The following SGCD variants were observed in gnomAD, a reference collection of about 807,000 sequenced individuals.
SGCD encodes sarcoglycan delta, also known as delta-sarcoglycan.
In SGCD, 18 loss-of-function variants were observed where a neutral mutation model predicts 36.6. The ratio of observed to expected loss-of-function variants is 0.49; its 90% CI spans 0.34 to 0.73. The LOEUF is 0.73. SGCD is among the 30% of genes least tolerant of loss of function. SGCD has a pLI of 0.01. For synonymous variants in SGCD, 133 were observed against 130.6 expected, an observed-to-expected ratio of 1.02 and a Z score of -0.12; for missense variants, 387 against 346.7, an observed-to-expected ratio of 1.12 and a Z score of -0.92.
At chr5:156,372,966 A>G (rs1270084445) in intron 3 of SGCD, among the ~76,000 whole-genome samples, 1 of 149,322 alleles carries the variant, frequency 6.7e-6, no homozygotes, top group Non-Finnish European at 1.5e-5. Flanking sequence ...TGCCATAATG[A>G]AGATGGCATT....
intron 3 of SGCD, among the ~76,000 whole-genome samples, chr5:156,395,156 C>G (rs1204438984): frequency 6.6e-6 from 1 of 152,138 alleles, no homozygotes; most frequent in Non-Finnish European, 1.5e-5. Context: ...GAGAGTCAAG[C>G]CATCACTTTC....
intron 3 of SGCD, among the ~76,000 whole-genome samples, chr5:156,501,591 C>T (rs1246980357): frequency 1.3e-5 from 2 of 152,212 alleles, no homozygotes; most frequent in Admixed American, 1.3e-4. Flanking sequence ...CCCCAGATTC[C>T]ACCTACCTGT....
chr5:156,363,685 C>T (rs1336503728), intron 3 of SGCD, among the ~76,000 whole-genome samples: 1 of 152,156 alleles, frequency 6.6e-6, no homozygotes, highest in African/African-American at 2.4e-5. Context: ...CAAAGCCATG[C>T]CTAATTCTAA....
At chr5:156,285,545 A>T (rs1766570489) in intron 3 of SGCD, among the ~76,000 whole-genome samples, 1 of 152,226 alleles carries the variant, frequency 6.6e-6, no homozygotes, top group Non-Finnish European at 1.5e-5. Flanking sequence ...CTGATATTTG[A>T]CAAACCTGAC....
intron 1 of SGCD, among the ~76,000 whole-genome samples, chr5:156,048,363 G>A (rs536821143): frequency 6.6e-6 from 1 of 152,242 alleles, no homozygotes; most frequent in East Asian, 1.9e-4. Flanking sequence ...GGGTCAAATG[G>A]TATTTCTAGT....
chr5:155,807,493 T>C, the SGCD span, among the ~76,000 whole-genome samples: 3 of 152,262 alleles, frequency 2.0e-5, no homozygotes, highest in Non-Finnish European at 2.9e-5. Flanking sequence ...GTAAATTGTG[T>C]GTTTAAAAAT....
At chr5:156,671,179 A>G (rs1236972599) in intron 7 of SGCD, among the ~76,000 whole-genome samples, 1 of 151,302 alleles carries the variant, frequency 6.6e-6, no homozygotes, top group Non-Finnish European at 1.5e-5. Context: ...TCCACATTAA[A>G]AAAAAAAGAA....
intron 3 of SGCD, among the ~76,000 whole-genome samples, chr5:156,460,992 A>G (rs1265721941): frequency 6.6e-6 from 1 of 152,184 alleles, no homozygotes; most frequent in Non-Finnish European, 1.5e-5. Flanking sequence ...ATAGACAGAT[A>G]TAGTAGAGAT....
intron 4 of SGCD, among the ~76,000 whole-genome samples, chr5:156,563,189 C>T (rs1358519325): frequency 6.6e-6 from 1 of 152,036 alleles, no homozygotes; most frequent in Admixed American, 6.6e-5. Context: ...ACCATGTTGG[C>T]CAGGCTGGTC....
chr5:155,775,656 A>G, the SGCD span, among the ~76,000 whole-genome samples: 1 of 152,174 alleles, frequency 6.6e-6, no homozygotes, highest in Non-Finnish European at 1.5e-5. Context: ...TCTTTATTTT[A>G]GAAATAAGCA....
chr5:156,472,973 T>G (rs1755035350), intron 3 of SGCD, among the ~76,000 whole-genome samples: 1 of 152,194 alleles, frequency 6.6e-6, no homozygotes, highest in Non-Finnish European at 1.5e-5. Flanking sequence ...TTATAATCTA[T>G]GTATTTCACT....
intron 3 of SGCD, among the ~76,000 whole-genome samples, chr5:156,483,646 CTT>C (rs1755536937): frequency 6.6e-6 from 1 of 152,242 alleles, no homozygotes; most frequent in Non-Finnish European, 1.5e-5. Flanking sequence ...TAATCTCTCT[CTT>C]GAGAGCAGTC....
chr5:156,650,120 C>T (rs183438077), intron 7 of SGCD, among the ~76,000 whole-genome samples: 1 of 152,118 alleles, frequency 6.6e-6, no homozygotes, highest in Non-Finnish European at 1.5e-5. Context: ...AGTATTTGCA[C>T]ATGTTATGCT....
chr5:156,369,555 G>T (rs2127738612), intron 3 of SGCD, among the ~76,000 whole-genome samples: 1 of 152,318 alleles, frequency 6.6e-6, no homozygotes, highest in South Asian at 2.1e-4. Flanking sequence ...GGAGGTGCAT[G>T]TGCCTTGCAT....
intron 3 of SGCD, among the ~76,000 whole-genome samples, chr5:156,389,014 A>C (rs1376201317): frequency 1.3e-5 from 2 of 152,200 alleles, no homozygotes; most frequent in African/African-American, 2.4e-5. Flanking sequence ...TACAATTCTT[A>C]TCTAGAGTAA....
intron 6 of SGCD, among the ~76,000 whole-genome samples, chr5:156,638,153 TG>T (rs1762898997): frequency 6.6e-6 from 1 of 151,932 alleles, no homozygotes. Context: ...TACATCTCAC[TG>T]GTATCCATTG....
rs1365138975 is a variant in SGCD, at chr5:156,765,958, G to A, written c.*6568G>A. ...TATAGATACCTAAGGGGAAAATATA[G>A]AAAGCCTGCCTGAATAATAGAATCT... On this transcript the variant is annotated 3_prime_UTR_variant, in exon 9 of 9. Coordinates refer to ENST00000337851, the MANE Select transcript of SGCD (RefSeq NM_000337.6). 5 of 148,736 alleles carry A rather than the reference G, an allele frequency of 3.4e-5. No individual in the cohort carries two copies. The highest frequency in any genetic ancestry group is 1.2e-4 in the African/African-American group (5 of 40,154). The allele number at this position is 148,736 out of a possible 1,614,324, so 9.2% of individuals were successfully genotyped here.
chr5:156,753,906 T>C lies in SGCD; in HGVS notation c.576-3675T>C, dbSNP rs181342133. Reference sequence around the variant, plus strand: ...AGCCAAACCATATCAAGGAGCTTTATCTCAGTGGAAAGACTAGCGTGTGAA... The same window carrying C: ...AGCCAAACCATATCAAGGAGCTTTACCTCAGTGGAAAGACTAGCGTGTGAA... On this transcript the variant is annotated intron_variant, in intron 7 of 8. Coordinates refer to ENST00000337851, the MANE Select transcript of SGCD (RefSeq NM_000337.6). 6.8e-3 allele frequency among the ~76,000 whole-genome samples: 1,032 copies of C among 152,306 alleles called. 5 individuals are homozygous for C. Among genetic ancestry groups the C allele is most frequent in the Non-Finnish European group, 0.012 (786 of 68,014 alleles).
intron 1 of SGCD, among the ~76,000 whole-genome samples, chr5:156,109,716 C>G (rs1192432849): frequency 1.3e-5 from 2 of 152,182 alleles, no homozygotes; most frequent in Non-Finnish European, 2.9e-5. Flanking sequence ...CAGCCTCCAT[C>G]TCATGCCCCT....
Sources: gnomAD v4.1 joint callset for allele counts (sites outside exome capture counted in the v4.1 genomes callset) on GRCh38, gnomAD v4.1.1 for gene constraint, MANE v1.5 for transcripts, NCBI Gene and HGNC (gene_info 2026-07-23, HGNC 2026-07-21) for gene names.